The following LHFPL3 variants were observed in gnomAD, a reference collection of about 807,000 sequenced individuals.
LHFPL3 encodes LHFPL tetraspan subfamily member 3.
A neutral mutation model predicts 19.3 loss-of-function variants in LHFPL3; 5 were observed. That is an observed-to-expected ratio of 0.26 (90% CI 0.14 to 0.54). The LOEUF (loss-of-function observed/expected upper bound fraction) is 0.54. Ranked by LOEUF, LHFPL3 falls within the 20% of genes least tolerant of loss-of-function variation. The pLI is 0.94. For missense variants in LHFPL3, 249 were observed against 307.4 expected (o/e 0.81, Z 1.42); for synonymous variants, 133 against 126.2 (o/e 1.05, Z -0.36).
chr7:104,618,140 G>T (rs1791382727), intron 1 of LHFPL3, among the ~76,000 whole-genome samples: 1 of 152,108 alleles, frequency 6.6e-6, no homozygotes, highest in South Asian at 2.1e-4. Context: ...GCCAAGAGAT[G>T]TTTTTCATCC....
chr7:104,509,740 A>G (rs1010450124), intron 1 of LHFPL3, among the ~76,000 whole-genome samples: 7 of 152,120 alleles, frequency 4.6e-5, no homozygotes, highest in East Asian at 1.9e-4. Flanking sequence ...AACTGGTACA[A>G]TAAGGCAAAA....
intron 1 of LHFPL3, among the ~76,000 whole-genome samples, chr7:104,680,318 T>G (rs1792671905): frequency 6.6e-6 from 1 of 152,200 alleles, no homozygotes; most frequent in South Asian, 2.1e-4. Flanking sequence ...ATTTCCTGAT[T>G]GGCCTCCAAA....
intron 1 of LHFPL3, among the ~76,000 whole-genome samples, chr7:104,465,766 T>C (rs1053614610): frequency 6.6e-6 from 1 of 152,208 alleles, no homozygotes; most frequent in Admixed American, 6.5e-5. Flanking sequence ...GGAACTACAA[T>C]TCAAGATGAG....
chr7:104,364,269 G>A (rs530895107), intron 1 of LHFPL3, among the ~76,000 whole-genome samples: 10 of 152,314 alleles, frequency 6.6e-5, no homozygotes, highest in African/African-American at 2.2e-4. Flanking sequence ...GAGGGTGGGG[G>A]GACTTGTTTA....
chr7:104,741,233 C>T (rs375171401), intron 2 of LHFPL3, among the ~76,000 whole-genome samples: 3 of 152,070 alleles, frequency 2.0e-5, no homozygotes, highest in African/African-American at 4.8e-5. Flanking sequence ...CTCCTTTCCA[C>T]GAGATCATTT....
At chr7:104,881,864 T>G (rs994839515) in intron 2 of LHFPL3, among the ~76,000 whole-genome samples, 10 of 152,166 alleles carry the variant, frequency 6.6e-5, no homozygotes, top group African/African-American at 2.2e-4. Flanking sequence ...CCCTCATCAG[T>G]CAGCCGCCAT....
chr7:104,458,790 C>G (rs1792601375), intron 1 of LHFPL3, among the ~76,000 whole-genome samples: 1 of 151,822 alleles, frequency 6.6e-6, no homozygotes, highest in Non-Finnish European at 1.5e-5. Flanking sequence ...CTACGCCCTT[C>G]TAGGTCCCAA....
chr7:104,387,088 C>T (rs1052071435), intron 1 of LHFPL3, among the ~76,000 whole-genome samples: 1 of 152,008 alleles, frequency 6.6e-6, no homozygotes, highest in African/African-American at 2.4e-5. Context: ...CAAATATGTT[C>T]AGAGAACTAA....
intron 1 of LHFPL3, among the ~76,000 whole-genome samples, chr7:104,493,223 A>G (rs1045130571): frequency 6.6e-6 from 1 of 152,080 alleles, no homozygotes; most frequent in East Asian, 1.9e-4. Context: ...CCACTTTCTT[A>G]AAATGTGCTT....
rs556105070 is a variant in LHFPL3 at position 104,696,020 on chromosome 7, G to A, written c.446-40655G>A. Among the ~76,000 whole-genome samples, 8 of 152,142 alleles carry A rather than the reference G, an allele frequency of 5.3e-5. No individual in the cohort carries two copies. In the South Asian group the frequency reaches 1.5e-3, roughly 28 times the overall value. ...GACTGGAGTGCAGTGGCACGATCTT[G>A]GCTCACTGCAACCTCCGCCTCCTGG... On this transcript the variant is annotated intron_variant, in intron 1 of 2. Coordinates refer to ENST00000424859, the MANE Select transcript of LHFPL3 (RefSeq NM_199000.3).
intron 1 of LHFPL3, among the ~76,000 whole-genome samples, chr7:104,447,366 A>T (rs536915173): frequency 5.3e-5 from 8 of 152,014 alleles, no homozygotes; most frequent in African/African-American, 1.2e-4. Context: ...TATTGAATTT[A>T]AAAAAAATAG....
chr7:104,677,721 G>A (rs1335843321), intron 1 of LHFPL3, among the ~76,000 whole-genome samples: 3 of 152,164 alleles, frequency 2.0e-5, no homozygotes, highest in African/African-American at 7.2e-5. Flanking sequence ...AGCCACATGT[G>A]GCTATCAAAC....
intron 1 of LHFPL3, among the ~76,000 whole-genome samples, chr7:104,693,178 G>C (rs1417817751): frequency 1.3e-5 from 2 of 152,166 alleles, no homozygotes; most frequent in African/African-American, 4.8e-5. Flanking sequence ...ATTTGCAATA[G>C]GTATATTTAT....
At chr7:104,845,573 A>G in intron 2 of LHFPL3, 1 of 913,448 alleles carries the variant, frequency 1.1e-6, no homozygotes, top group Non-Finnish European at 1.6e-6. Flanking sequence ...TTCAAGCCAT[A>G]AATCTTCTGT....
At chr7:104,618,542 C>G (rs767553909) in intron 1 of LHFPL3, among the ~76,000 whole-genome samples, 7 of 152,086 alleles carry the variant, frequency 4.6e-5, no homozygotes, top group Admixed American at 6.6e-5. Context: ...GTTTAAGATT[C>G]TACGTCTTCC....
intron 1 of LHFPL3, among the ~76,000 whole-genome samples, chr7:104,338,587 A>C (rs2116360883): frequency 6.6e-6 from 1 of 152,332 alleles, no homozygotes; most frequent in African/African-American, 2.4e-5. Flanking sequence ...TGGAAGATTT[A>C]TACAAGTTAT....
intron 2 of LHFPL3, among the ~76,000 whole-genome samples, chr7:104,816,697 G>A (rs1209309118): frequency 6.6e-6 from 1 of 152,198 alleles, no homozygotes; most frequent in Non-Finnish European, 1.5e-5. Flanking sequence ...GGCACACAGT[G>A]GCTGTCAGAG....
chr7:104,720,612 G>A (rs1239976654), intron 1 of LHFPL3, among the ~76,000 whole-genome samples: 4 of 152,076 alleles, frequency 2.6e-5, no homozygotes, highest in Admixed American at 2.0e-4. Flanking sequence ...TCAACCTACA[G>A]AATGGGAGAA....
chr7:104,703,358 A>C (rs1450494600), intron 1 of LHFPL3, among the ~76,000 whole-genome samples: 5 of 152,190 alleles, frequency 3.3e-5, no homozygotes, highest in African/African-American at 1.2e-4. Context: ...ATTTCAAAAA[A>C]AGTTTATTAA....
Sources: gnomAD v4.1 joint callset for allele counts (sites outside exome capture counted in the v4.1 genomes callset) on GRCh38, gnomAD v4.1.1 for gene constraint, MANE v1.5 for transcripts, NCBI Gene and HGNC (gene_info 2026-07-23, HGNC 2026-07-21) for gene names.